The following ALMS1 variants were observed in gnomAD, a reference collection of about 807,000 sequenced individuals.
ALMS1 encodes centrosome-associated protein ALMS1.
ALMS1 carries 271 observed loss-of-function variants against 352.2 expected under a neutral mutation model. That is an observed-to-expected ratio of 0.77 (90% confidence interval 0.70 to 0.85). ALMS1 has a LOEUF of 0.85. Ranked by LOEUF, ALMS1 falls within the 40% of genes least tolerant of loss-of-function variation. The pLI is 0.00. For missense variants in ALMS1, 5,445 were observed against 4,870.7 expected (o/e 1.12, Z -3.51); for synonymous variants, 1,865 against 1,761.2 (o/e 1.06, Z -1.48).
chr2:73,449,736 C>T lies in ALMS1; in HGVS notation c.3209C>T (p.Pro1070Leu). ...CAGGTGTTATCAGACAGTCATCTAC[C>T]TGAAGAGAGTCTGAAAGTTTCAGCC... ...YPQVLSDSHL[P>L]EESLKVSAFP... Residue 1070 changes from proline to leucine, a missense_variant, in exon 8 of 23, where the codon CCT (proline) becomes CTT (leucine). Pro to Leu is a moderately conservative substitution (Grantham distance 98, BLOSUM62 -3). Coordinates refer to ENST00000613296, the MANE Select transcript of ALMS1 (RefSeq NM_001378454.1). 6.2e-7 allele frequency: 1 copy of T among 1,614,126 alleles called. No individual in the cohort carries two copies. The highest frequency in any genetic ancestry group is 8.5e-7 in the Non-Finnish European group (1 of 1,179,980).
chr2:73,417,246 G>T (rs1366641938), intron 2 of ALMS1, among the ~76,000 whole-genome samples: 1 of 152,110 alleles, frequency 6.6e-6, no homozygotes, highest in Non-Finnish European at 1.5e-5. Context: ...CAATGAAATA[G>T]ACTTTCTACA....
At chr2:73,478,444 T>C (rs1247098352) in intron 9 of ALMS1, among the ~76,000 whole-genome samples, 1 of 152,150 alleles carries the variant, frequency 6.6e-6, no homozygotes, top group East Asian at 1.9e-4. Flanking sequence ...TATTTTGGGA[T>C]GAGTATAAAT....
chr2:73,506,714 G>A (rs914816888), intron 10 of ALMS1, among the ~76,000 whole-genome samples: 1 of 152,160 alleles, frequency 6.6e-6, no homozygotes, highest in Non-Finnish European at 1.5e-5. Flanking sequence ...ATACAATCGT[G>A]TCATCTGCAA....
intron 1 of ALMS1, among the ~76,000 whole-genome samples, 200 bp downstream of exon 1, chr2:73,386,392 T>C (rs1390361533): frequency 2.0e-5 from 3 of 152,124 alleles, no homozygotes; most frequent in Non-Finnish European, 2.9e-5. Context: ...GACTTCTCGT[T>C]TCCTCCCCCT....
At chr2:73,554,802 A>G (rs1177091144) in intron 13 of ALMS1, among the ~76,000 whole-genome samples, 2 of 152,134 alleles carry the variant, frequency 1.3e-5, no homozygotes, top group African/African-American at 2.4e-5. Context: ...GGTTATATAC[A>G]CTTGCTTTTT....
At chr2:73,542,628 C>T (rs1012090591) in intron 12 of ALMS1, among the ~76,000 whole-genome samples, 1 of 152,022 alleles carries the variant, frequency 6.6e-6, no homozygotes. Flanking sequence ...TTGTCTCAGC[C>T]CAAAATCTCC....
chr2:73,543,537 G>T (rs1164123147), intron 12 of ALMS1, among the ~76,000 whole-genome samples: 1 of 152,286 alleles, frequency 6.6e-6, no homozygotes, highest in East Asian at 1.9e-4. Flanking sequence ...AAACTAAAGA[G>T]CTTCTGCACA....
intron 13 of ALMS1, among the ~76,000 whole-genome samples, chr2:73,555,994 A>G (rs1321890550): frequency 1.3e-5 from 2 of 152,160 alleles, no homozygotes; most frequent in Non-Finnish European, 2.9e-5. Context: ...AAGAATTACA[A>G]AACATCCTTG....
At chr2:73,495,012 C>T (rs1373276314) in intron 10 of ALMS1, among the ~76,000 whole-genome samples, 2 of 151,932 alleles carry the variant, frequency 1.3e-5, no homozygotes, top group Non-Finnish European at 2.9e-5. Context: ...GAGAATTGTT[C>T]TTCCCTCATT....
chr2:73,540,948 C>T (rs1674163248), intron 12 of ALMS1, among the ~76,000 whole-genome samples: 1 of 152,212 alleles, frequency 6.6e-6, no homozygotes, highest in Non-Finnish European at 1.5e-5. Context: ...CCACTGTCAA[C>T]ATTAGACAGA....
At chr2:73,578,470 A>G (rs1675099632) in intron 16 of ALMS1, among the ~76,000 whole-genome samples, 3 of 151,616 alleles carry the variant, frequency 2.0e-5, no homozygotes, top group African/African-American at 7.3e-5. Context: ...CTTTGTATCT[A>G]ATTGATTTTT....
intron 1 of ALMS1, among the ~76,000 whole-genome samples, chr2:73,405,260 CTTG>C (rs1334555190): frequency 6.6e-6 from 1 of 151,940 alleles, no homozygotes; most frequent in Non-Finnish European, 1.5e-5. Flanking sequence ...ATTCAATTTC[CTTG>C]TTGTTGGTCT....
intron 16 of ALMS1, among the ~76,000 whole-genome samples, chr2:73,584,256 T>G (rs532283168): frequency 1.3e-5 from 2 of 152,220 alleles, no homozygotes; most frequent in Non-Finnish European, 2.9e-5. Flanking sequence ...CTCAGCTCAT[T>G]TATAGTAGTA....
chr2:73,386,428 C>T (rs1316303597), intron 1 of ALMS1, among the ~76,000 whole-genome samples: 1 of 152,126 alleles, frequency 6.6e-6, no homozygotes, highest in Non-Finnish European at 1.5e-5. Context: ...CTTTTGAACT[C>T]CCGTAGACGT....
Position 73,602,138 on chromosome 2 carries a change from C to T in ALMS1, c.12115-47C>T, listed in dbSNP as rs1346222384. 3 of 1,564,046 alleles carry T rather than the reference C, an allele frequency of 1.9e-6. No homozygotes were observed. The African/African-American group carries it at 4.1e-5, about 21-fold the overall frequency. The stretch of plus-strand genomic sequence containing the variant: ...CTCCAGGCATATGGAGAGTAGATTG[C>T]ATCATTAATCTGAGGCTGGGCATTT... On this transcript the variant is annotated intron_variant, in intron 19 of 22. Coordinates refer to ENST00000613296, the MANE Select transcript of ALMS1 (RefSeq NM_001378454.1).
In ALMS1 at chr2:73,425,038, C is replaced by T. The variant is rs1671354021; in HGVS notation, c.1237+136C>T. 2.5e-5 allele frequency: 16 copies of T among 643,310 alleles called. No individual in the cohort carries two copies. The East Asian group carries it at 4.2e-4, about 17-fold the overall frequency. The allele number at this position is 643,310 out of a possible 1,614,324, so 39.9% of individuals were successfully genotyped here. A position where few individuals can be genotyped will look rare whatever the true frequency, so the allele number is the denominator to read the frequency against. On this transcript the variant is annotated intron_variant, in intron 5 of 22. Coordinates refer to ENST00000613296, the MANE Select transcript of ALMS1 (RefSeq NM_001378454.1). Reference sequence around the variant, plus strand: ...GAGGGAACTTTGCACCACCCAGAAACGTGTGTAATCAGTAAGGACTGTTTT... The same window carrying T: ...GAGGGAACTTTGCACCACCCAGAAATGTGTGTAATCAGTAAGGACTGTTTT...
intron 12 of ALMS1, among the ~76,000 whole-genome samples, chr2:73,542,314 A>C (rs1198437173): frequency 6.6e-6 from 1 of 152,230 alleles, no homozygotes; most frequent in Non-Finnish European, 1.5e-5. Flanking sequence ...GACAAAATTC[A>C]ACAACCCTTC....
At chr2:73,572,111 G>A in intron 15 of ALMS1, 151 bp from the exon 16 acceptor site, 4 of 682,208 alleles carry the variant, frequency 5.9e-6, no homozygotes, top group Non-Finnish European at 7.0e-6. Context: ...CAAGGCATCA[G>A]TCTTTTGTGC....
At chr2:73,412,833 TTTG>T (rs1318564790) in intron 2 of ALMS1, among the ~76,000 whole-genome samples, 1 of 151,870 alleles carries the variant, frequency 6.6e-6, no homozygotes, top group East Asian at 1.9e-4. Flanking sequence ...TAGGAATGGG[TTTG>T]TTGAGTGATA....
Sources: gnomAD v4.1 joint callset for allele counts (sites outside exome capture counted in the v4.1 genomes callset) on GRCh38, gnomAD v4.1.1 for gene constraint, MANE v1.5 for transcripts, NCBI Gene and HGNC (gene_info 2026-07-23, HGNC 2026-07-21) for gene names.